The following VWA3B variants were observed in gnomAD, a reference collection of about 807,000 sequenced individuals.
The protein encoded by VWA3B is von Willebrand factor A domain containing 3B.
Under a neutral mutation model 158.3 loss-of-function variants are expected in VWA3B, and 138 were observed. That is an observed-to-expected ratio of 0.87 (90% CI 0.76 to 1.00). The LOEUF is 1.00. VWA3B is among the 50% of genes least tolerant of loss of function. The probability of loss-of-function intolerance (pLI) is 0.00; values close to 1 mark genes in which losing one functional copy is unlikely to be tolerated. For missense variants in VWA3B, 1,555 were observed against 1,565.1 expected (o/e 0.99, Z 0.11); for synonymous variants, 596 against 587.3 (o/e 1.01, Z -0.21).
chr2:98,212,095 T>C (rs1683577307), intron 13 of VWA3B, 67 bp downstream of exon 13: 2 of 1,451,600 alleles, frequency 1.4e-6, no homozygotes, highest in Admixed American at 1.8e-5. Flanking sequence ...TGGAAATGGG[T>C]CTGGGGGACC....
In VWA3B at chr2:98,291,990, T is replaced by G. The variant is rs1049741946; in HGVS notation, c.3157+1368T>G. 2.0e-5 allele frequency: 3 copies of G among 149,128 alleles called. No individual in the cohort carries two copies. In the East Asian group the frequency reaches 5.9e-4, roughly 30 times the overall value. 9.2% of individuals were successfully genotyped at this position (149,128 alleles called of 1,614,324 possible). A position where few individuals can be genotyped will look rare whatever the true frequency, so the allele number is the denominator to read the frequency against. ...CGGGTGTGGTGGGTCACACCTGTAA[T>G]CCCAGCACTTTGAGAGGCCGAGGCT... is the stretch of plus-strand genomic sequence containing the variant. On this transcript the variant is annotated intron_variant, in intron 23 of 27. Coordinates refer to ENST00000477737, the MANE Select transcript of VWA3B (RefSeq NM_144992.5).
At chr2:98,281,856 C>A (rs991516686) in intron 22 of VWA3B, among the ~76,000 whole-genome samples, 1 of 152,210 alleles carries the variant, frequency 6.6e-6, no homozygotes, top group Admixed American at 6.5e-5. Flanking sequence ...GACTTCCTCA[C>A]TGAAACTGGT....
chr2:98,153,954 A>G (rs1677847105), intron 7 of VWA3B, among the ~76,000 whole-genome samples: 1 of 152,110 alleles, frequency 6.6e-6, no homozygotes, highest in South Asian at 2.1e-4. Flanking sequence ...CTCTGCTTCC[A>G]GGGCTCAAGC....
At chr2:98,218,994 A>G (rs1684260255) in intron 14 of VWA3B, among the ~76,000 whole-genome samples, 1 of 152,184 alleles carries the variant, frequency 6.6e-6, no homozygotes, top group Admixed American at 6.5e-5. Flanking sequence ...GAAATCTTAA[A>G]TGCAAGGCCT....
At chr2:98,170,638 C>T (rs536735574) in intron 8 of VWA3B, among the ~76,000 whole-genome samples, 5 of 149,272 alleles carry the variant, frequency 3.3e-5, no homozygotes, top group South Asian at 4.3e-4. Context: ...TGGAGTATAT[C>T]GCTCTGTCAC....
chr2:98,257,064 T>G (rs558329072), intron 21 of VWA3B, among the ~76,000 whole-genome samples: 1 of 152,254 alleles, frequency 6.6e-6, no homozygotes, highest in African/African-American at 2.4e-5. Context: ...ACTGTATGTT[T>G]GTGTCCAATA....
At chr2:98,200,333 G>C (rs889661022) in intron 12 of VWA3B, among the ~76,000 whole-genome samples, 2 of 152,056 alleles carry the variant, frequency 1.3e-5, no homozygotes, top group Non-Finnish European at 2.9e-5. Context: ...ATGAGGTCAG[G>C]AGTTCAAGAC....
intron 21 of VWA3B, among the ~76,000 whole-genome samples, chr2:98,266,969 A>G (rs1399617505): frequency 2.0e-5 from 3 of 150,436 alleles, no homozygotes; most frequent in Non-Finnish European, 3.0e-5. Context: ...GGTTTTCTAG[A>G]TATACAATCA....
chr2:98,166,122 A>C (rs768014710), intron 8 of VWA3B, among the ~76,000 whole-genome samples: 2 of 152,174 alleles, frequency 1.3e-5, no homozygotes, highest in East Asian at 1.9e-4. Context: ...GGATCACCTG[A>C]GGTCGGCAGT....
chr2:98,171,470 C>T lies in VWA3B; in HGVS notation c.1114+8494C>T, dbSNP rs188644558. 9.6e-4 allele frequency among the ~76,000 whole-genome samples: 146 copies of T among 152,094 alleles called. 1 individual carries two copies. The highest frequency in any genetic ancestry group is 3.2e-3 in the African/African-American group (132 of 41,482). On this transcript the variant is annotated intron_variant, in intron 8 of 27. Coordinates refer to ENST00000477737, the MANE Select transcript of VWA3B (RefSeq NM_144992.5). Reference sequence around the variant, plus strand: ...AGAAGAATAGCATATGCAAAGGCCCCGAGGCAGAAAGGAGAACAGCACTTT... The same window carrying T: ...AGAAGAATAGCATATGCAAAGGCCCTGAGGCAGAAAGGAGAACAGCACTTT...
At chr2:98,215,758 T>C (rs1262863316) in intron 13 of VWA3B, among the ~76,000 whole-genome samples, 1 of 152,100 alleles carries the variant, frequency 6.6e-6, no homozygotes, top group Non-Finnish European at 1.5e-5. Flanking sequence ...CCTTGTGATC[T>C]GCCCACCTCG....
At chr2:98,254,385 G>T (rs1376038234) in intron 20 of VWA3B, among the ~76,000 whole-genome samples, 1 of 152,088 alleles carries the variant, frequency 6.6e-6, no homozygotes, top group Non-Finnish European at 1.5e-5. Flanking sequence ...TTGTGAATGG[G>T]TTTTTTGTTC....
chr2:98,162,824 C>T (rs1195619542), intron 7 of VWA3B, 27 bp from the exon 8 acceptor site: 1 of 1,611,562 alleles, frequency 6.2e-7, no homozygotes, highest in Non-Finnish European at 8.5e-7. Context: ...TCTCAGCCGG[C>T]CGCTCATGCT....
At chr2:98,166,608 C>A (rs1679096355) in intron 8 of VWA3B, among the ~76,000 whole-genome samples, 1 of 152,138 alleles carries the variant, frequency 6.6e-6, no homozygotes, top group Non-Finnish European at 1.5e-5. Flanking sequence ...AATGTCTGTC[C>A]TTTAAGCCCC....
intron 11 of VWA3B, 67 bp from the exon 12 acceptor site, chr2:98,194,294 G>A: frequency 1.3e-6 from 2 of 1,517,964 alleles, no homozygotes; most frequent in Non-Finnish European, 1.8e-6. Context: ...ATATCAAACT[G>A]TGGCCTACCC....
At chr2:98,203,805 T>A (rs1239103107) in intron 12 of VWA3B, among the ~76,000 whole-genome samples, 2 of 152,246 alleles carry the variant, frequency 1.3e-5, no homozygotes, top group Non-Finnish European at 2.9e-5. Context: ...ACGTACTATT[T>A]CGCTTTTTGT....
chr2:98,231,910 A>C (rs1470868791), intron 16 of VWA3B, among the ~76,000 whole-genome samples: 2 of 152,030 alleles, frequency 1.3e-5, no homozygotes, highest in Non-Finnish European at 2.9e-5. Flanking sequence ...TTTGTTGAGG[A>C]TTTTGGTATC....
chr2:98,162,781 C>A (rs1678724550), intron 7 of VWA3B, 70 bp from the exon 8 acceptor site: 2 of 1,582,886 alleles, frequency 1.3e-6, no homozygotes, highest in Admixed American at 3.6e-5. Context: ...ATGCGTCAGG[C>A]CTGCTAGGCG....
chr2:98,217,845 G>A lies in VWA3B; in HGVS notation c.1837-1G>A. 1.3e-6 allele frequency: 2 copies of A among 1,568,936 alleles called. No individual in the cohort carries two copies. Among genetic ancestry groups the A allele is most frequent in the East Asian group, 2.3e-5 (1 of 42,868 alleles). ...CCCATCCCCAAAACTTATCGTTTCAGCCACCTGAAACAGTTATAGACCAGG... is the reference window on the plus strand; with the variant it reads ...CCCATCCCCAAAACTTATCGTTTCAACCACCTGAAACAGTTATAGACCAGG... On this transcript the variant is annotated splice_acceptor_variant, in intron 13 of 27. Transcript: ENST00000477737. LOFTEE classifies it high-confidence loss of function.
Sources: gnomAD v4.1 joint callset for allele counts (sites outside exome capture counted in the v4.1 genomes callset) on GRCh38, gnomAD v4.1.1 for gene constraint, MANE v1.5 for transcripts, NCBI Gene and HGNC (gene_info 2026-07-23, HGNC 2026-07-21) for gene names.